The following FUT8 variants were observed in gnomAD, a reference collection of about 807,000 sequenced individuals.
FUT8 encodes the protein alpha-(1,6)-fucosyltransferase.
FUT8 carries 29 observed loss-of-function variants against 71.3 expected under a neutral mutation model. The observed-to-expected ratio is 0.41, with a 90% CI of 0.30 to 0.55. FUT8 has a LOEUF of 0.55. FUT8 is among the 20% of genes least tolerant of loss of function. The pLI is 0.34. For synonymous variants in FUT8, 254 were observed against 239.3 expected, an observed-to-expected ratio of 1.06 and a Z score of -0.57; for missense variants, 544 against 702.1, an observed-to-expected ratio of 0.77 and a Z score of 2.55.
intron 3 of FUT8, among the ~76,000 whole-genome samples, chr14:65,577,626 C>G (rs1873367214): frequency 6.6e-6 from 1 of 151,910 alleles, no homozygotes; most frequent in Non-Finnish European, 1.5e-5. Context: ...TTCATTTTTT[C>G]TAATGTAAAA....
At chr14:65,705,293 A>G (rs1160522676) in intron 7 of FUT8, among the ~76,000 whole-genome samples, 1 of 152,236 alleles carries the variant, frequency 6.6e-6, no homozygotes, top group African/African-American at 2.4e-5. Context: ...TTTTAATAGT[A>G]TAACATATCT....
intron 2 of FUT8, among the ~76,000 whole-genome samples, chr14:65,463,987 C>T (rs1051497757): frequency 1.3e-5 from 2 of 152,186 alleles, no homozygotes; most frequent in African/African-American, 4.8e-5. Flanking sequence ...CCCCAGCCAC[C>T]CCTGCAGCCC....
chr14:65,469,148 C>T (rs2066095894), intron 2 of FUT8, among the ~76,000 whole-genome samples: 1 of 152,074 alleles, frequency 6.6e-6, no homozygotes, highest in South Asian at 2.1e-4. Flanking sequence ...CACTGTACTC[C>T]AGACTGGGTA....
chr14:65,506,901 A>G (rs2066744522), intron 2 of FUT8, among the ~76,000 whole-genome samples: 1 of 152,226 alleles, frequency 6.6e-6, no homozygotes, highest in East Asian at 1.9e-4. Context: ...CCGGCCACGG[A>G]TGAATAAAGT....
rs531924498 is a variant in FUT8, at chr14:65,742,373, C to A, written c.1691C>A (p.Thr564Lys). The part of the protein sequence containing the change: ...PSYKVREKIE[T>K]VKYPTYPEAE... The stretch of plus-strand genomic sequence containing the variant: ...TACAAAGTTCGAGAGAAGATAGAAA[C>A]GGTCAAGTACCCCACATATCCTGAG... Residue 564 changes from threonine to lysine, a missense_variant, in exon 11 of 11, where the codon ACG (threonine) becomes AAG (lysine). Transcript: ENST00000673929. 1 of 1,612,560 alleles carries A rather than the reference C, an allele frequency of 6.2e-7. No individual in the cohort carries two copies. Among genetic ancestry groups the A allele is most frequent in the Non-Finnish European group, 8.5e-7 (1 of 1,179,082 alleles).
intron 2 of FUT8, among the ~76,000 whole-genome samples, chr14:65,553,124 T>A (rs534304470): frequency 1.3e-5 from 2 of 152,306 alleles, no homozygotes; most frequent in East Asian, 3.9e-4. Flanking sequence ...TTTAATTTAT[T>A]TATAGAGACA....
At chr14:65,645,476 T>A (rs1891080298) in intron 6 of FUT8, among the ~76,000 whole-genome samples, 1 of 152,196 alleles carries the variant, frequency 6.6e-6, no homozygotes, top group Non-Finnish European at 1.5e-5. Context: ...CTGAAAAGAT[T>A]TTTTTCTCTA....
At chr14:65,386,126 TG>T in the FUT8 span, among the ~76,000 whole-genome samples, 2 of 150,286 alleles carry the variant, frequency 1.3e-5, no homozygotes, top group African/African-American at 4.9e-5. Flanking sequence ...CACTCCAGCC[TG>T]GGTGACAGAG....
rs4902407 is a variant in FUT8, at chr14:65,607,917, T to A, written c.204-8061T>A. Among the ~76,000 whole-genome samples the A allele has an allele frequency of 6.6e-6, 1 of 151,420 alleles. No homozygotes were observed. The highest frequency in any genetic ancestry group is 2.1e-4 in the South Asian group (1 of 4,746). On this transcript the variant is annotated intron_variant, in intron 3 of 10. Transcript: ENST00000673929. This position sits in a 1 kb window ranked among gnomAD's most constrained non-coding sequence, Gnocchi z 4.1. ...GTCTCTACGAAAAATACAAAAAAAT[T>A]AGCTGGGTGTGGCGGCGCATGCCTG...
chr14:65,522,696 G>A (rs1352702132), intron 2 of FUT8, among the ~76,000 whole-genome samples: 1 of 151,826 alleles, frequency 6.6e-6, no homozygotes, highest in Non-Finnish European at 1.5e-5. Context: ...TATATTAGGT[G>A]TATCTCCTAA....
intron 2 of FUT8, among the ~76,000 whole-genome samples, chr14:65,527,185 C>G (rs955383780): frequency 6.6e-6 from 1 of 152,230 alleles, no homozygotes; most frequent in Admixed American, 6.5e-5. Context: ...TTCTCCCTGT[C>G]ACTTTCAGGT....
chr14:65,636,313 G>GT (rs1455115984), intron 6 of FUT8, among the ~76,000 whole-genome samples: 2 of 81,324 alleles, frequency 2.5e-5, no homozygotes, highest in East Asian at 5.1e-4. Flanking sequence ...TTTATCTTTT[G>GT]TATTTTTTTT....
At chr14:65,677,114 TTGTGTGTGTGTGTG>T (rs1555383258) in intron 7 of FUT8, among the ~76,000 whole-genome samples, 3 of 110,216 alleles carry the variant, frequency 2.7e-5, no homozygotes, top group African/African-American at 9.9e-5. Context: ...AAAGACATAT[TTGTGTGTGTGTGTG>T]TGTGTGTGTG....
chr14:65,374,065 G>A, the FUT8 span, among the ~76,000 whole-genome samples: 11 of 152,240 alleles, frequency 7.2e-5, no homozygotes. Flanking sequence ...CAAAGGCTGA[G>A]TCTTTCTGGG....
chr14:65,521,146 TTATAG>T (rs879411281), intron 2 of FUT8, among the ~76,000 whole-genome samples: 22 of 152,150 alleles, frequency 1.4e-4, no homozygotes, highest in Non-Finnish European at 2.5e-4. Flanking sequence ...ATGTTGACTC[TTATAG>T]TATAAAAGTA....
At chr14:65,705,673 C>T (rs902192916) in intron 7 of FUT8, among the ~76,000 whole-genome samples, 3 of 152,202 alleles carry the variant, frequency 2.0e-5, no homozygotes, top group Non-Finnish European at 4.4e-5. Flanking sequence ...GTAATATGAG[C>T]AGAAAGTGTT....
At chr14:65,517,274 T>C (rs1451051110) in intron 2 of FUT8, among the ~76,000 whole-genome samples, 1 of 152,186 alleles carries the variant, frequency 6.6e-6, no homozygotes, top group Non-Finnish European at 1.5e-5. Context: ...GAGCTAAATA[T>C]CTGAATTTTC....
chr14:65,382,496 T>A, the FUT8 span, among the ~76,000 whole-genome samples: 1 of 152,104 alleles, frequency 6.6e-6, no homozygotes, highest in African/African-American at 2.4e-5. Flanking sequence ...CCACCAGGCC[T>A]CGCTAATTTT....
At chr14:65,531,164 A>T (rs1473587983) in intron 2 of FUT8, among the ~76,000 whole-genome samples, 1 of 151,796 alleles carries the variant, frequency 6.6e-6, no homozygotes, top group Non-Finnish European at 1.5e-5. Flanking sequence ...ATATGACATT[A>T]AAAAAAGGAC....
Sources: allele counts gnomAD v4.1 joint callset (sites outside exome capture counted in the v4.1 genomes callset), GRCh38; gene constraint gnomAD v4.1.1; non-coding constraint Gnocchi (gnomAD v3.1); transcripts MANE v1.5; gene names NCBI Gene and HGNC (gene_info 2026-07-23, HGNC 2026-07-21).